Variants in FAM124A observed in about 807,000 individuals in gnomAD.
The protein encoded by FAM124A is protein FAM124A.
A neutral mutation model predicts 24.5 loss-of-function variants in FAM124A; 23 were observed. That is an observed-to-expected ratio of 0.94 (90% CI 0.68 to 1.33). The LOEUF is 1.33. Among genes scored for constraint, FAM124A ranks in the 40% most tolerant of loss-of-function variants. FAM124A has a pLI of 0.00. For synonymous variants in FAM124A, 287 were observed against 314.7 expected, an observed-to-expected ratio of 0.91 and a Z score of 0.93; for missense variants, 623 against 722.8, an observed-to-expected ratio of 0.86 and a Z score of 1.58.
At chr13:51,223,297 G>C (rs947315817) in intron 1 of FAM124A, among the ~76,000 whole-genome samples, 2 of 151,946 alleles carry the variant, frequency 1.3e-5, no homozygotes, top group African/African-American at 4.8e-5. Flanking sequence ...TTTCCTGAGC[G>C]GAAGAAAAGA....
chr13:51,222,614 G>C (rs1467391439), intron 1 of FAM124A, 45 bp downstream of exon 1: 1 of 1,215,542 alleles, frequency 8.2e-7, no homozygotes, highest in East Asian at 3.3e-5. Flanking sequence ...CGCTCTCCGA[G>C]TTGCGCGGCG....
At chr13:51,239,691 A>C (rs919145119) in intron 2 of FAM124A, among the ~76,000 whole-genome samples, 1 of 152,144 alleles carries the variant, frequency 6.6e-6, no homozygotes, top group Non-Finnish European at 1.5e-5. Flanking sequence ...CTGGGGTAAA[A>C]ACTGTACTCT....
At chr13:51,275,209 CAAAAAAAAA>C (rs34573330) in intron 3 of FAM124A, among the ~76,000 whole-genome samples, 5 of 101,932 alleles carry the variant, frequency 4.9e-5, no homozygotes, top group Admixed American at 4.4e-4. Context: ...CCTGTATATA[CAAAAAAAAA>C]AAAAAAAAAA....
At chr13:51,273,007 T>C (rs1014007463) in intron 3 of FAM124A, among the ~76,000 whole-genome samples, 1 of 152,254 alleles carries the variant, frequency 6.6e-6, no homozygotes, top group African/African-American at 2.4e-5. Flanking sequence ...ATAAGCTTTG[T>C]AGAACTAATG....
chr13:51,251,498 C>A lies in FAM124A; in HGVS notation c.131C>A (p.Pro44His). Residue 44 changes from proline (P) to histidine (H), a missense_variant, in exon 3 of 4, where the codon CCT (proline) becomes CAT (histidine). Transcript: ENST00000322475. This position sits in a 1 kb window ranked among gnomAD's most constrained non-coding sequence, Gnocchi z 5.3. The stretch of plus-strand genomic sequence containing the variant: ...CTTTCCGTTGAAGAGGCGCAGGACC[C>A]TTTCCTGGTCAGCATCCACATAATC... ...SELSVEEAQD[P>H]FLVSIHIIAD... 1.3e-6 allele frequency: 2 copies of A among 1,510,262 alleles called. No homozygotes were observed. Among genetic ancestry groups the A allele is most frequent in the Non-Finnish European group, 1.8e-6 (2 of 1,128,728 alleles). 93.6% of individuals were successfully genotyped at this position (1,510,262 alleles called of 1,614,324 possible).
intron 2 of FAM124A, among the ~76,000 whole-genome samples, chr13:51,235,871 G>T (rs571357622): frequency 6.2e-4 from 94 of 152,226 alleles, no homozygotes; most frequent in Non-Finnish European, 1.1e-3. Context: ...CACCAACAGT[G>T]TGCTCTGCTG....
chr13:51,234,414 T>C (rs374224728), intron 2 of FAM124A, among the ~76,000 whole-genome samples: 33 of 152,280 alleles, frequency 2.2e-4, no homozygotes, highest in African/African-American at 7.9e-4. Context: ...AGCTGCCCCA[T>C]GGGAGAAAAA....
intron 2 of FAM124A, 69 bp downstream of exon 2, chr13:51,231,448 A>G (rs549455824): frequency 2.0e-6 from 3 of 1,506,412 alleles, no homozygotes; most frequent in South Asian, 2.4e-5. Flanking sequence ...CCTAGAGGCC[A>G]TGTGTGTACA....
At chr13:51,265,294 T>A (rs1163581734) in intron 3 of FAM124A, among the ~76,000 whole-genome samples, 1 of 152,126 alleles carries the variant, frequency 6.6e-6, no homozygotes, top group African/African-American at 2.4e-5. Context: ...TTCTGTGACA[T>A]GGTGACCTGA....
intron 3 of FAM124A, among the ~76,000 whole-genome samples, chr13:51,260,374 C>G (rs547828656): frequency 6.6e-6 from 1 of 152,288 alleles, no homozygotes; most frequent in African/African-American, 2.4e-5. Context: ...CATGGTCCAC[C>G]CTCCTGGAAT....
chr13:51,275,345 G>A (rs56039960), intron 3 of FAM124A, among the ~76,000 whole-genome samples: 6,493 of 152,178 alleles, frequency 0.043, 468 homozygotes, highest in African/African-American at 0.15. Flanking sequence ...GCCACTGCAC[G>A]CCAGCCTGGG....
chr13:51,281,037 G>A lies in FAM124A; in HGVS notation c.1422G>A (p.Glu474=), dbSNP rs1373964501. The A allele has an allele frequency of 1.2e-6, 2 of 1,613,700 alleles. No homozygotes were observed. Among genetic ancestry groups the A allele is most frequent in the African/African-American group, 2.7e-5 (2 of 74,768 alleles). ...CCACTGTCAGCAGGGTGACCACAGA[G>A]GCCTCCTGGGCTTCCCTCCCTTTCT... is the stretch of plus-strand genomic sequence containing the variant. ...PLPTVSRVTT[E]ASWASLPFFT... Residue 474 remains glutamate, a synonymous_variant, in exon 4 of 4, where the codon GAG becomes GAA. Transcript: ENST00000322475.
At chr13:51,237,019 G>A (rs1954441220) in intron 2 of FAM124A, among the ~76,000 whole-genome samples, 1 of 152,160 alleles carries the variant, frequency 6.6e-6, no homozygotes, top group South Asian at 2.1e-4. Context: ...AGTTGGCAGT[G>A]TTCACAGGTT....
At chr13:51,233,592 C>T (rs1006537709) in intron 2 of FAM124A, among the ~76,000 whole-genome samples, 1 of 152,110 alleles carries the variant, frequency 6.6e-6, no homozygotes. Context: ...ACTGTCCCTG[C>T]GTCAGCACCA....
At chr13:51,267,014 TAATAAAC>T (rs1220466633) in intron 3 of FAM124A, among the ~76,000 whole-genome samples, 1 of 152,194 alleles carries the variant, frequency 6.6e-6, no homozygotes, top group Non-Finnish European at 1.5e-5. Context: ...GGCAGGCAGA[TAATAAAC>T]AATAGCTGTA....
At position 51,251,376 on chromosome 13, in the gene FAM124A, T is replaced by G; in HGVS notation, c.101-92T>G. The G allele has an allele frequency of 1.5e-6, 2 of 1,374,268 alleles. No individual in the cohort carries two copies. Among genetic ancestry groups the G allele is most frequent in the Non-Finnish European group, 1.9e-6 (2 of 1,054,488 alleles). 85.1% of individuals were successfully genotyped at this position (1,374,268 alleles called of 1,614,324 possible). ...AGTTCAGTTAGAATTTGACTTCTCT[T>G]CCTGTCAAGCCTGTACACGTCATCA... On this transcript the variant is annotated intron_variant, in intron 2 of 3. Transcript: ENST00000322475. The surrounding 1 kb of genome is among the most constrained non-coding windows in gnomAD (Gnocchi z 5.3).
chr13:51,270,277 A>C (rs1954827440), intron 3 of FAM124A, among the ~76,000 whole-genome samples: 1 of 152,208 alleles, frequency 6.6e-6, no homozygotes, highest in Non-Finnish European at 1.5e-5. Context: ...AACTTGAGAT[A>C]ACTCATTATT....
At chr13:51,250,560 T>A (rs1375756597) in intron 2 of FAM124A, among the ~76,000 whole-genome samples, 1 of 152,194 alleles carries the variant, frequency 6.6e-6, no homozygotes, top group African/African-American at 2.4e-5. Context: ...ATGCTTGGAA[T>A]TCAACAGTTT....
intron 3 of FAM124A, among the ~76,000 whole-genome samples, chr13:51,276,073 C>T (rs1452519011): frequency 6.6e-6 from 1 of 152,142 alleles, no homozygotes; most frequent in Non-Finnish European, 1.5e-5. Flanking sequence ...ACTGCTGGCG[C>T]ACATGAGTTA....
Sources: gnomAD v4.1 joint callset for allele counts (sites outside exome capture counted in the v4.1 genomes callset) on GRCh38, gnomAD v4.1.1 for gene constraint, Gnocchi (gnomAD v3.1) non-coding constraint, MANE v1.5 for transcripts, NCBI Gene and HGNC (gene_info 2026-07-23, HGNC 2026-07-21) for gene names.